LINGO2: variants seen among roughly 807,000 people sequenced by gnomAD.
LINGO2 encodes leucine rich repeat and Ig domain containing 2.
LINGO2 carries 14 observed loss-of-function variants against 30.6 expected under a neutral mutation model. The ratio of observed to expected loss-of-function variants is 0.46; its 90% CI spans 0.30 to 0.72. The LOEUF (loss-of-function observed/expected upper bound fraction) is 0.72. LINGO2 is among the 30% of genes least tolerant of loss of function. The pLI, the probability that LINGO2 is intolerant of heterozygous loss-of-function variation, is 0.07. For missense variants in LINGO2, 729 were observed against 751.7 expected, an observed-to-expected ratio of 0.97 and a Z score of 0.35; for synonymous variants, 317 against 288.5, an observed-to-expected ratio of 1.10 and a Z score of -1.00.
chr9:28,710,119 G>T, the LINGO2 span, among the ~76,000 whole-genome samples: 4 of 151,414 alleles, frequency 2.6e-5, no homozygotes, highest in African/African-American at 9.7e-5. Context: ...ATATTAAGAG[G>T]TGGGGCCATT....
chr9:28,993,443 A>G, the LINGO2 span, among the ~76,000 whole-genome samples: 1 of 152,334 alleles, frequency 6.6e-6, no homozygotes, highest in Non-Finnish European at 1.5e-5. Flanking sequence ...AGGTACAAGG[A>G]GGAACTGGTA....
chr9:28,183,070 A>G (rs952281737), intron 4 of LINGO2, among the ~76,000 whole-genome samples: 4 of 152,210 alleles, frequency 2.6e-5, no homozygotes, highest in African/African-American at 9.7e-5. Flanking sequence ...ATGTCCATTA[A>G]TGATAGACTG....
chr9:28,770,698 A>G, the LINGO2 span, among the ~76,000 whole-genome samples: 1 of 152,338 alleles, frequency 6.6e-6, no homozygotes, highest in East Asian at 1.9e-4. Flanking sequence ...ATATACTGCT[A>G]TAAGTTATAA....
At chr9:28,483,986 GA>G (rs1826071230) in intron 1 of LINGO2, among the ~76,000 whole-genome samples, 1 of 152,026 alleles carries the variant, frequency 6.6e-6, no homozygotes, top group Non-Finnish European at 1.5e-5. Flanking sequence ...TAAGTAGAGA[GA>G]AAGAAATACC....
the LINGO2 span, among the ~76,000 whole-genome samples, chr9:28,717,403 G>A: frequency 6.6e-6 from 1 of 151,684 alleles, no homozygotes; most frequent in Non-Finnish European, 1.5e-5. Flanking sequence ...TTAAGGTCTA[G>A]GGACAGGCTT....
the LINGO2 span, among the ~76,000 whole-genome samples, chr9:29,074,848 T>C: frequency 6.6e-6 from 1 of 151,662 alleles, no homozygotes; most frequent in African/African-American, 2.4e-5. Flanking sequence ...GCTTTTTTTT[T>C]TGTATTTTTA....
chr9:28,861,474 G>T, the LINGO2 span, among the ~76,000 whole-genome samples: 1 of 149,542 alleles, frequency 6.7e-6, no homozygotes, highest in Non-Finnish European at 1.5e-5. Context: ...AGGGAAGCTT[G>T]ATATTACCTT....
intron 1 of LINGO2, among the ~76,000 whole-genome samples, chr9:28,502,236 C>T (rs986595147): frequency 6.6e-6 from 1 of 151,878 alleles, no homozygotes; most frequent in African/African-American, 2.4e-5. Flanking sequence ...TTTCATGACA[C>T]CACCCTCTAC....
At chr9:29,181,361 T>C in the LINGO2 span, among the ~76,000 whole-genome samples, 5 of 152,204 alleles carry the variant, frequency 3.3e-5, no homozygotes. Context: ...TTTTCTATTA[T>C]AGTGCTTAAG....
rs558413397 is a variant in LINGO2 at position 28,340,252 on chromosome 9, A to G, written c.-246+32584T>C. 2.6e-5 allele frequency among the ~76,000 whole-genome samples: 4 copies of G among 152,310 alleles called. No individual in the cohort carries two copies. The East Asian group carries it at 7.7e-4, about 29-fold the overall frequency. The stretch of plus-strand genomic sequence containing the variant: ...ACAATTCATAACTCATAAAGTTAGT[A>G]TGAAGATTATATTAGATAGTTACAT... On this transcript the variant is annotated intron_variant, in intron 3 of 5. Transcript: ENST00000379992.
At chr9:28,217,605 T>G (rs1039884204) in intron 4 of LINGO2, among the ~76,000 whole-genome samples, 2 of 152,150 alleles carry the variant, frequency 1.3e-5, no homozygotes, top group Middle Eastern at 3.4e-3. Flanking sequence ...CTTCATATTT[T>G]TCTTCTTCTA....
At chr9:29,121,286 C>T in the LINGO2 span, among the ~76,000 whole-genome samples, 1 of 152,100 alleles carries the variant, frequency 6.6e-6, no homozygotes, top group Non-Finnish European at 1.5e-5. Context: ...AGTTTGTATA[C>T]TGTCAAAATT....
intron 2 of LINGO2, among the ~76,000 whole-genome samples, chr9:28,403,545 C>T (rs1447385339): frequency 2.0e-5 from 3 of 152,024 alleles, no homozygotes; most frequent in Non-Finnish European, 4.4e-5. Flanking sequence ...TGTCTTTGCC[C>T]GCAATACCTT....
chr9:28,095,482 G>A (rs577854355), intron 4 of LINGO2, among the ~76,000 whole-genome samples: 1 of 152,130 alleles, frequency 6.6e-6, no homozygotes, highest in East Asian at 1.9e-4. Flanking sequence ...TTTAATAAAT[G>A]GTGCTGGGAA....
chr9:28,837,683 T>TG, the LINGO2 span, among the ~76,000 whole-genome samples: 1 of 134,784 alleles, frequency 7.4e-6, no homozygotes, highest in Non-Finnish European at 1.6e-5. Context: ...TATATATATT[T>TG]AGGATAACAG....
intron 4 of LINGO2, among the ~76,000 whole-genome samples, chr9:28,105,552 C>T (rs1305359756): frequency 6.6e-6 from 1 of 152,138 alleles, no homozygotes; most frequent in Non-Finnish European, 1.5e-5. Flanking sequence ...AAATGAAGTG[C>T]TATGGACTGA....
Position 28,138,792 on chromosome 9 carries a change from C to T in LINGO2, c.-86-126387G>A, listed in dbSNP as rs528503378. 2.0e-5 allele frequency among the ~76,000 whole-genome samples: 3 copies of T among 152,300 alleles called. No homozygotes were observed. The East Asian group carries it at 5.8e-4, about 29-fold the overall frequency. On this transcript the variant is annotated intron_variant, in intron 4 of 5. Coordinates refer to ENST00000379992, the Ensembl canonical transcript of LINGO2. ...AGACTAATGCATTCATGCTTATTTT[C>T]AACGACTATACATCAAGTATGTACA... is the stretch of plus-strand genomic sequence containing the variant.
At chr9:28,008,905 A>G (rs937636092) in intron 5 of LINGO2, among the ~76,000 whole-genome samples, 1 of 152,154 alleles carries the variant, frequency 6.6e-6, no homozygotes, top group Non-Finnish European at 1.5e-5. Flanking sequence ...TTGCAGAAAT[A>G]GAAAAGCTGA....
At chr9:29,123,844 G>A in the LINGO2 span, among the ~76,000 whole-genome samples, 1 of 152,092 alleles carries the variant, frequency 6.6e-6, no homozygotes, top group East Asian at 1.9e-4. Flanking sequence ...CCTGTGTTCT[G>A]TGTCAAGTAG....
Sources: allele counts gnomAD v4.1 joint callset (sites outside exome capture counted in the v4.1 genomes callset), GRCh38; gene constraint gnomAD v4.1.1; transcripts MANE v1.5; gene names NCBI Gene and HGNC (gene_info 2026-07-23, HGNC 2026-07-21).